RNF144A: variants seen among roughly 807,000 people sequenced by gnomAD.
The protein encoded by RNF144A is E3 ubiquitin-protein ligase RNF144A.
In RNF144A, 11 loss-of-function variants were observed where a neutral mutation model predicts 38.7. That is an observed-to-expected ratio of 0.28 (90% confidence interval 0.18 to 0.47). The LOEUF (loss-of-function observed/expected upper bound fraction) is 0.47. RNF144A is among the 20% of genes least tolerant of loss of function. The pLI is 0.99. For missense variants in RNF144A, 316 were observed against 377.2 expected (o/e 0.84, Z 1.34); for synonymous variants, 149 against 143.9 (o/e 1.04, Z -0.25).
intron 2 of RNF144A, among the ~76,000 whole-genome samples, chr2:6,965,934 A>G (rs1486748261): frequency 6.6e-6 from 1 of 152,186 alleles, no homozygotes; most frequent in Non-Finnish European, 1.5e-5. Context: ...TAAAAAAGAA[A>G]GAAAAGGAAA....
chr2:7,019,882 C>A (rs1206193111), intron 5 of RNF144A, among the ~76,000 whole-genome samples: 1 of 152,188 alleles, frequency 6.6e-6, no homozygotes, highest in African/African-American at 2.4e-5. Context: ...TGGTTTCACT[C>A]CGTAGTTAAC....
intron 2 of RNF144A, among the ~76,000 whole-genome samples, chr2:6,985,268 CTCTTT>C (rs766400800): frequency 0.012 from 1,488 of 128,608 alleles, 19 homozygotes; most frequent in South Asian, 0.023. Flanking sequence ...TCCCTCCCCC[CTCTTT>C]TTTTTTTTTT....
At chr2:6,968,052 G>T (rs542370903) in intron 2 of RNF144A, among the ~76,000 whole-genome samples, 2 of 152,140 alleles carry the variant, frequency 1.3e-5, no homozygotes, top group African/African-American at 4.8e-5. Flanking sequence ...CTCTTCAAAG[G>T]ATTCTTAATT....
Position 7,024,525 on chromosome 2 carries a change from G to A in RNF144A, c.657+9G>A, listed in dbSNP as rs374430797. ...GCCTGGAGTCTCTGGACGTGAGTAC[G>A]GCCTTCAGCTTCACCTTGCGGCATT... On this transcript the variant is annotated intron_variant, in intron 7 of 8. Transcript: ENST00000320892. 6.3e-6 allele frequency: 10 copies of A among 1,593,532 alleles called. No individual in the cohort carries two copies. The highest frequency in any genetic ancestry group is 4.5e-5 in the East Asian group (2 of 44,280).
At chr2:7,064,300 T>C (rs1558471894) in intron 6 of RNF144A, among the ~76,000 whole-genome samples, 3 of 152,082 alleles carry the variant, frequency 2.0e-5, no homozygotes. Flanking sequence ...CCAAACATGC[T>C]TTGAAGATGT....
intron 5 of RNF144A, among the ~76,000 whole-genome samples, chr2:7,015,518 G>A (rs1214417450): frequency 2.0e-5 from 3 of 152,148 alleles, no homozygotes; most frequent in African/African-American, 7.2e-5. Flanking sequence ...TGTGGCAGGT[G>A]CACACAGAGC....
chr2:6,952,303 T>C (rs1373161809), intron 2 of RNF144A, among the ~76,000 whole-genome samples: 1 of 152,040 alleles, frequency 6.6e-6, no homozygotes, highest in Non-Finnish European at 1.5e-5. Context: ...GCCCATATTT[T>C]GTTTTAAATT....
At chr2:7,051,335 G>A (rs991388472) in intron 6 of RNF144A, among the ~76,000 whole-genome samples, 10 of 152,184 alleles carry the variant, frequency 6.6e-5, no homozygotes, top group South Asian at 2.1e-4. Context: ...AGGTGGAGCA[G>A]GTGGACGGGG....
In RNF144A at chr2:7,040,810, A is replaced by C. The variant is rs1180960323; in HGVS notation, c.*1050A>C. 2.0e-6 allele frequency: 2 copies of C among 985,328 alleles called. No individual in the cohort carries two copies. Among genetic ancestry groups the C allele is most frequent in the African/African-American group, 3.5e-5 (2 of 57,252 alleles). The allele number at this position is 985,328 out of a possible 1,614,324, so 61.0% of individuals were successfully genotyped here. On this transcript the variant is annotated 3_prime_UTR_variant, in exon 9 of 9. Coordinates refer to ENST00000320892, the MANE Select transcript of RNF144A (RefSeq NM_014746.6). The stretch of plus-strand genomic sequence containing the variant: ...GATTTTCACATTTTTAAAATGTTCT[A>C]GTCATTTTGAGAAATCATATATCTT...
At chr2:7,004,445 GA>G (rs1350665910) in intron 3 of RNF144A, among the ~76,000 whole-genome samples, 10 of 152,166 alleles carry the variant, frequency 6.6e-5, no homozygotes, top group African/African-American at 2.4e-4. Context: ...AACTGGCTTA[GA>G]GTCTGGCCCG....
intron 1 of RNF144A, among the ~76,000 whole-genome samples, chr2:6,920,439 C>CT (rs1169145052): frequency 6.6e-6 from 1 of 152,198 alleles, no homozygotes; most frequent in Non-Finnish European, 1.5e-5. Context: ...TCTGCTGTCC[C>CT]TTTTTTCCCA....
intron 8 of RNF144A, among the ~76,000 whole-genome samples, chr2:7,037,564 T>G (rs1672761563): frequency 6.6e-6 from 1 of 152,248 alleles, no homozygotes; most frequent in Non-Finnish European, 1.5e-5. Context: ...TTCAGACAAA[T>G]GAACGTAGCC....
chr2:6,940,711 T>C (rs1196635340), intron 1 of RNF144A, among the ~76,000 whole-genome samples: 1 of 152,124 alleles, frequency 6.6e-6, no homozygotes, highest in Non-Finnish European at 1.5e-5. Flanking sequence ...CGAGGGACAG[T>C]TTGTTATCTC....
At chr2:7,031,635 G>A (rs570659444) in intron 8 of RNF144A, among the ~76,000 whole-genome samples, 1 of 152,368 alleles carries the variant, frequency 6.6e-6, no homozygotes, top group East Asian at 1.9e-4. Context: ...TGAGGCACAT[G>A]TGTCAGCCTC....
intron 2 of RNF144A, among the ~76,000 whole-genome samples, chr2:6,966,526 G>A (rs746966533): frequency 1.3e-5 from 2 of 152,198 alleles, no homozygotes; most frequent in Non-Finnish European, 2.9e-5. Flanking sequence ...TGGGGAGAAG[G>A]ATAAATTGCC....
At chr2:7,051,661 G>A (rs1673532515) in intron 6 of RNF144A, among the ~76,000 whole-genome samples, 1 of 152,210 alleles carries the variant, frequency 6.6e-6, no homozygotes, top group Admixed American at 6.5e-5. Context: ...GGCCAAGGCG[G>A]GTGGATGACC....
Position 6,968,517 on chromosome 2 carries a change from T to C in RNF144A, c.-12+27370T>C, listed in dbSNP as rs547522688. On this transcript the variant is annotated intron_variant, in intron 2 of 8. Coordinates refer to ENST00000320892, the MANE Select transcript of RNF144A (RefSeq NM_014746.6). ...GGCTCCAGTAATTGAAATGTGTTCT[T>C]GTGGCTGCAGCAGTCCTGGGGGCCT... Among the ~76,000 whole-genome samples, 9 of 152,350 alleles carry C rather than the reference T, an allele frequency of 5.9e-5. No homozygotes were observed. In the South Asian group the frequency reaches 1.9e-3, roughly 32 times the overall value.
At chr2:7,069,973 A>G (rs540994965), downstream of RNF144A, among the ~76,000 whole-genome samples, 1 of 152,350 alleles carries the variant, frequency 6.6e-6, no homozygotes, top group Non-Finnish European at 1.5e-5. Flanking sequence ...TGGAAGTGCT[A>G]ACACGAAGAC....
rs1037405128 is a variant in RNF144A, at chr2:6,962,051, T to C, written c.-12+20904T>C. On this transcript the variant is annotated intron_variant, in intron 2 of 8. Transcript: ENST00000320892. The surrounding 1 kb of genome is among the most constrained non-coding windows in gnomAD (Gnocchi z 4.1). The stretch of plus-strand genomic sequence containing the variant: ...AGTTTAATAGGTGAAAGAAAGAGAA[T>C]AGCTCTCCGCTACAGAGAGCGGTCC... Among the ~76,000 whole-genome samples, 4 of 152,160 alleles carry C rather than the reference T, an allele frequency of 2.6e-5. No homozygotes were observed. The highest frequency in any genetic ancestry group is 2.6e-4 in the Admixed American group (4 of 15,284).
Sources: gnomAD v4.1 joint callset for allele counts (sites outside exome capture counted in the v4.1 genomes callset) on GRCh38, gnomAD v4.1.1 for gene constraint, Gnocchi (gnomAD v3.1) non-coding constraint, MANE v1.5 for transcripts, NCBI Gene and HGNC (gene_info 2026-07-23, HGNC 2026-07-21) for gene names.